Variants in TAFA4 observed in about 807,000 individuals in gnomAD.
TAFA4 encodes TAFA chemokine like family member 4, also known as chemokine-like protein TAFA-4.
In TAFA4, 20 loss-of-function variants were observed where a neutral mutation model predicts 21.1. That is an observed-to-expected ratio of 0.95 (90% CI 0.67 to 1.38). TAFA4 has a LOEUF of 1.38. Ranked by LOEUF, TAFA4 falls within the 40% of genes most tolerant of loss-of-function variation. The pLI is 0.00. For synonymous variants in TAFA4, 71 were observed against 67.4 expected (o/e 1.05, Z -0.26); for missense variants, 211 against 180.9 (o/e 1.17, Z -0.95).
At chr3:68,804,706 G>T (rs1319303149) in intron 3 of TAFA4, among the ~76,000 whole-genome samples, 3 of 152,174 alleles carry the variant, frequency 2.0e-5, no homozygotes, top group Admixed American at 6.5e-5. Flanking sequence ...ATGGGGAAAG[G>T]ATTCCCTATT....
chr3:68,817,826 A>G (rs747848050), intron 3 of TAFA4, among the ~76,000 whole-genome samples: 1 of 152,086 alleles, frequency 6.6e-6, no homozygotes, highest in Admixed American at 6.5e-5. Context: ...TACTATAAAG[A>G]TATGTGCTGT....
intron 1 of TAFA4, among the ~76,000 whole-genome samples, chr3:68,906,069 G>A (rs146026965): frequency 1.3e-5 from 2 of 152,304 alleles, no homozygotes; most frequent in African/African-American, 2.4e-5. Flanking sequence ...GGAAGAAAAG[G>A]AGCAAGTGGG....
intron 3 of TAFA4, among the ~76,000 whole-genome samples, chr3:68,787,718 T>A (rs1413770042): frequency 6.6e-6 from 1 of 152,182 alleles, no homozygotes; most frequent in African/African-American, 2.4e-5. Context: ...CCTGACTGCA[T>A]CAAATTAAAC....
chr3:68,768,958 A>G (rs532964000), intron 3 of TAFA4, among the ~76,000 whole-genome samples: 76 of 152,294 alleles, frequency 5.0e-4, no homozygotes, highest in African/African-American at 1.7e-3. Flanking sequence ...GAGATGGGGA[A>G]GAGATTCGTC....
At chr3:68,892,784 C>T (rs1022764729) in intron 1 of TAFA4, among the ~76,000 whole-genome samples, 9 of 152,092 alleles carry the variant, frequency 5.9e-5, no homozygotes, top group African/African-American at 1.9e-4. Context: ...CCACGCATTT[C>T]GTTAATGAAG....
chr3:68,779,184 G>A (rs1187333937), intron 3 of TAFA4, among the ~76,000 whole-genome samples: 1 of 152,180 alleles, frequency 6.6e-6, no homozygotes, highest in South Asian at 2.1e-4. Flanking sequence ...GTATCTACTG[G>A]AAGAAATTTC....
At chr3:68,870,499 A>C (rs1265943311) in intron 3 of TAFA4, among the ~76,000 whole-genome samples, 1 of 152,176 alleles carries the variant, frequency 6.6e-6, no homozygotes, top group Non-Finnish European at 1.5e-5. Context: ...TAGCATAAAA[A>C]CAGACACATA....
At chr3:68,914,497 A>G (rs1217998918) in intron 1 of TAFA4, among the ~76,000 whole-genome samples, 1 of 152,182 alleles carries the variant, frequency 6.6e-6, no homozygotes, top group East Asian at 1.9e-4. Flanking sequence ...AAAGGTATTA[A>G]ATCAGTATAT....
chr3:68,733,224 A>C, intron 5 of TAFA4, 71 bp from the exon 6 acceptor site: 1 of 1,570,004 alleles, frequency 6.4e-7, no homozygotes, highest in South Asian at 1.2e-5. Context: ...TGCCCCCGAG[A>C]CCAATAAGGT....
chr3:68,795,638 C>G (rs544341435), intron 3 of TAFA4, among the ~76,000 whole-genome samples: 1 of 152,140 alleles, frequency 6.6e-6, no homozygotes, highest in South Asian at 2.1e-4. Context: ...ACATGGAACC[C>G]AAAAATAAAT....
chr3:68,762,109 T>C (rs576952887), intron 3 of TAFA4, among the ~76,000 whole-genome samples: 2 of 151,186 alleles, frequency 1.3e-5, no homozygotes, highest in South Asian at 2.1e-4. Flanking sequence ...GCCATGAGAC[T>C]AGATAAAATC....
At chr3:68,895,943 G>T (rs2089784197) in intron 1 of TAFA4, among the ~76,000 whole-genome samples, 2 of 152,212 alleles carry the variant, frequency 1.3e-5, no homozygotes, top group African/African-American at 4.8e-5. Flanking sequence ...GGTGTTCAGG[G>T]ATGGCCTGGC....
chr3:68,797,916 A>G (rs1025292055), intron 3 of TAFA4, among the ~76,000 whole-genome samples: 10 of 152,224 alleles, frequency 6.6e-5, no homozygotes, highest in Non-Finnish European at 1.2e-4. Flanking sequence ...CCACCGTACT[A>G]TACACTTAAA....
At chr3:68,890,605 A>ACGATATGG (rs2089720304) in intron 1 of TAFA4, among the ~76,000 whole-genome samples, 1 of 152,226 alleles carries the variant, frequency 6.6e-6, no homozygotes, top group Non-Finnish European at 1.5e-5. Flanking sequence ...TATTTACATC[A>ACGATATGG]CGATATGGCA....
intron 5 of TAFA4, 137 bp downstream of exon 5, chr3:68,738,938 C>CA (rs1028499746): frequency 8.0e-7 from 1 of 1,257,254 alleles, no homozygotes; most frequent in Admixed American, 2.6e-5. Context: ...TCAAAAAGGC[C>CA]AAATCCGTAA....
At chr3:68,753,653 A>C (rs1267024310) in intron 3 of TAFA4, among the ~76,000 whole-genome samples, 1 of 152,032 alleles carries the variant, frequency 6.6e-6, no homozygotes, top group South Asian at 2.1e-4. Context: ...TGATTTTAAG[A>C]GAGGCAGTGT....
chr3:68,867,758 C>T (rs1381687747), intron 3 of TAFA4, among the ~76,000 whole-genome samples: 3 of 151,974 alleles, frequency 2.0e-5, no homozygotes, highest in East Asian at 3.9e-4. Flanking sequence ...AATCACTTAT[C>T]GTTTATTTAA....
intron 3 of TAFA4, among the ~76,000 whole-genome samples, chr3:68,805,335 A>C (rs1426658061): frequency 3.3e-5 from 5 of 152,324 alleles, no homozygotes; most frequent in South Asian, 2.1e-4. Flanking sequence ...GAGAAATAGG[A>C]ACACTTTTAC....
At chr3:68,765,768 G>A (rs190297921) in intron 3 of TAFA4, among the ~76,000 whole-genome samples, 22 of 152,242 alleles carry the variant, frequency 1.4e-4, no homozygotes, top group Admixed American at 3.3e-4. Context: ...ACATTTAATA[G>A]CCTTTTGGAG....
Sources: gnomAD v4.1 joint callset for allele counts (sites outside exome capture counted in the v4.1 genomes callset) on GRCh38, gnomAD v4.1.1 for gene constraint, MANE v1.5 for transcripts, NCBI Gene and HGNC (gene_info 2026-07-23, HGNC 2026-07-21) for gene names.